The following WWC1 variants were observed in gnomAD, a reference collection of about 807,000 sequenced individuals.
WWC1 encodes the protein WW and C2 domain containing 1.
A neutral mutation model predicts 138.4 loss-of-function variants in WWC1; 55 were observed. The observed-to-expected ratio is 0.40, with a 90% CI of 0.32 to 0.50. WWC1 has a LOEUF of 0.50. WWC1 is among the 20% of genes least tolerant of loss of function. The pLI is 0.72. For synonymous variants in WWC1, 524 were observed against 564.9 expected (o/e 0.93, Z 1.03); for missense variants, 1,226 against 1,420.4 (o/e 0.86, Z 2.20).
intron 15 of WWC1, among the ~76,000 whole-genome samples, chr5:168,434,894 C>A (rs1339423626): frequency 1.3e-5 from 2 of 152,162 alleles, no homozygotes; most frequent in Non-Finnish European, 2.9e-5. Flanking sequence ...CCATGGTTCA[C>A]CATTACAACC....
chr5:168,462,576 T>A (rs1196045350), intron 20 of WWC1, among the ~76,000 whole-genome samples: 2 of 152,176 alleles, frequency 1.3e-5, no homozygotes, highest in Non-Finnish European at 2.9e-5. Context: ...ATGCCACTGA[T>A]CTCCTACTTG....
intron 21 of WWC1, among the ~76,000 whole-genome samples, chr5:168,467,236 C>T (rs1041968435): frequency 3.9e-5 from 6 of 152,118 alleles, no homozygotes; most frequent in Non-Finnish European, 7.4e-5. Context: ...CCAGCCTGGG[C>T]GACAGAGCGA....
At chr5:168,312,839 A>G (rs10039517) in intron 1 of WWC1, among the ~76,000 whole-genome samples, 2,621 of 102,570 alleles carry the variant, frequency 0.026, 87 homozygotes, top group African/African-American at 0.091. Flanking sequence ...TTTTTTTTTT[A>G]GAGTCTAGCT....
chr5:168,404,514 C>G (rs1422560148), intron 5 of WWC1, among the ~76,000 whole-genome samples: 14 of 152,208 alleles, frequency 9.2e-5, no homozygotes, highest in Admixed American at 9.2e-4. Flanking sequence ...AGACCGTGCT[C>G]CATGCCTCGC....
At chr5:168,344,755 T>C (rs1267978970) in intron 1 of WWC1, among the ~76,000 whole-genome samples, 1 of 152,214 alleles carries the variant, frequency 6.6e-6, no homozygotes, top group East Asian at 1.9e-4. Flanking sequence ...GGGGAGGTTT[T>C]ATTTAGAAGA....
intron 1 of WWC1, among the ~76,000 whole-genome samples, chr5:168,303,617 C>T (rs1770287441): frequency 1.3e-5 from 2 of 152,098 alleles, no homozygotes; most frequent in African/African-American, 4.8e-5. Context: ...AAGAAGAAAG[C>T]AGGCAAGCAA....
chr5:168,396,725 T>G (rs1778929802), intron 3 of WWC1, among the ~76,000 whole-genome samples: 1 of 152,248 alleles, frequency 6.6e-6, no homozygotes, highest in Non-Finnish European at 1.5e-5. Flanking sequence ...TTAGTTTAAA[T>G]GTATTTTACT....
Position 168,431,277 on chromosome 5 carries a change from T to A in WWC1, c.2113T>A (p.Cys705Ser). The change falls in exon 15 of 23, where the codon TGC (cysteine) becomes AGC (serine). Residue 705 changes from cysteine (C) to serine (S), a missense_variant. This residue lies in a region of WWC1 where 1,016 missense variants were observed against 1,153.9 expected (regional missense o/e 0.88). Transcript: ENST00000265293. Reference protein sequence around the residue: ...KVNIRVAVLPCSESTTCLFRT... With the variant: ...KVNIRVAVLPSSESTTCLFRT... ...GAATATCCGCGTGGCTGTCCTTCCTTGCTCTGAAAGCACAACCTGCCTGTT... is the reference window on the plus strand; with the variant it reads ...GAATATCCGCGTGGCTGTCCTTCCTAGCTCTGAAAGCACAACCTGCCTGTT... 1 of 1,613,930 alleles carries A rather than the reference T, an allele frequency of 6.2e-7. No homozygotes were observed. Among genetic ancestry groups the A allele is most frequent in the Non-Finnish European group, 8.5e-7 (1 of 1,179,936 alleles).
rs375703595 is a variant in WWC1, at chr5:168,292,147, G to A, written c.-6G>A. 614 of 1,538,332 alleles carry A rather than the reference G, an allele frequency of 4.0e-4. 8 individuals carry two copies. The African/African-American group carries it at 7.2e-3, about 18-fold the overall frequency. ...GCATGGGGGAGCGCCGGCAGCGCTT[G>A]GGAAGATGCCCCGGCCGGAGCTGCC... On this transcript the variant is annotated 5_prime_UTR_variant, in exon 1 of 23. Transcript: ENST00000265293. The surrounding 1 kb of genome is among the most constrained non-coding windows in gnomAD (Gnocchi z 4.4).
At chr5:168,406,769 G>A (rs936426850) in intron 6 of WWC1, among the ~76,000 whole-genome samples, 2 of 151,628 alleles carry the variant, frequency 1.3e-5, no homozygotes, top group East Asian at 1.9e-4. Context: ...GAGAAACCCC[G>A]TCTCTACTAA....
chr5:168,451,121 C>T (rs1755775921), intron 17 of WWC1, among the ~76,000 whole-genome samples: 1 of 151,974 alleles, frequency 6.6e-6, no homozygotes, highest in South Asian at 2.1e-4. Flanking sequence ...CGGATTCAAG[C>T]GATTCTCCTG....
chr5:168,299,362 G>A (rs1371474939), intron 1 of WWC1, among the ~76,000 whole-genome samples: 1 of 152,228 alleles, frequency 6.6e-6, no homozygotes, highest in African/African-American at 2.4e-5. Flanking sequence ...AGATCCTCAT[G>A]GCAGCTTAGG....
intron 2 of WWC1, among the ~76,000 whole-genome samples, chr5:168,384,512 A>G (rs1368411119): frequency 6.6e-6 from 1 of 152,152 alleles, no homozygotes; most frequent in Non-Finnish European, 1.5e-5. Context: ...TCACATTTCC[A>G]GCTGGCTATA....
chr5:168,301,164 C>T (rs1770033768), intron 1 of WWC1, among the ~76,000 whole-genome samples: 4 of 152,050 alleles, frequency 2.6e-5, no homozygotes, highest in Admixed American at 2.0e-4. Flanking sequence ...AAACTGAGGC[C>T]GAGAGACAAG....
intron 6 of WWC1, among the ~76,000 whole-genome samples, 161 bp downstream of exon 6, chr5:168,406,488 G>A (rs1779804138): frequency 6.6e-6 from 1 of 152,142 alleles, no homozygotes; most frequent in Non-Finnish European, 1.5e-5. Flanking sequence ...AGGACGTGGA[G>A]GCTCAGAAGC....
chr5:168,358,117 C>T (rs771042183), intron 1 of WWC1, among the ~76,000 whole-genome samples: 7 of 152,290 alleles, frequency 4.6e-5, no homozygotes, highest in South Asian at 4.2e-4. Flanking sequence ...CTGCAGCATC[C>T]GGAACAGGTC....
intron 4 of WWC1, among the ~76,000 whole-genome samples, chr5:168,399,213 G>C (rs1196538285): frequency 1.3e-5 from 1 of 79,692 alleles, no homozygotes; most frequent in Non-Finnish European, 2.6e-5. Context: ...TCTATCCCAG[G>C]TCAGCTCCTG....
At position 168,467,880 on chromosome 5, in the gene WWC1, A is replaced by G; in HGVS notation, c.3191A>G (p.Asp1064Gly). The G allele has an allele frequency of 6.2e-7, 1 of 1,614,196 alleles. No individual in the cohort carries two copies. The highest frequency in any genetic ancestry group is 8.5e-7 in the Non-Finnish European group (1 of 1,180,038). ...GAGCACAAGGGTGAGCTTCAGACAGACAAGATGATGAGGGCAGCTGCCAAG... is the reference window on the plus strand; with the variant it reads ...GAGCACAAGGGTGAGCTTCAGACAGGCAAGATGATGAGGGCAGCTGCCAAG... Reference protein sequence around the residue: ...RAEHKGELQTDKMMRAAAKDV... With the variant: ...RAEHKGELQTGKMMRAAAKDV... The change falls in exon 22 of 23, where the codon GAC becomes GGC. Residue 1064 changes from aspartate (D) to glycine (G), a missense_variant. This residue lies in a region of WWC1 where 206 missense variants were observed against 247.4 expected (regional missense o/e 0.83). Transcript: ENST00000265293.
chr5:168,327,725 C>T (rs527417736), intron 1 of WWC1, among the ~76,000 whole-genome samples: 1 of 152,300 alleles, frequency 6.6e-6, no homozygotes, highest in Admixed American at 6.5e-5. Context: ...AAGGCCAGTG[C>T]TTGTAGATAT....
Sources: allele counts gnomAD v4.1 joint callset (sites outside exome capture counted in the v4.1 genomes callset), GRCh38; gene constraint gnomAD v4.1.1; regional missense constraint gnomAD v4.1.1; non-coding constraint Gnocchi (gnomAD v3.1); transcripts MANE v1.5; gene names NCBI Gene and HGNC (gene_info 2026-07-23, HGNC 2026-07-21).